Variants in TARS3 observed in about 807,000 individuals in gnomAD.
TARS3 encodes threonine--tRNA ligase 2, cytoplasmic.
TARS3 carries 94 observed loss-of-function variants against 103.5 expected under a neutral mutation model. The ratio of observed to expected loss-of-function variants is 0.91; its 90% CI spans 0.77 to 1.08. The LOEUF (loss-of-function observed/expected upper bound fraction) is 1.08, where lower values mean the gene tolerates loss of function less well. TARS3 is among the 50% of genes least tolerant of loss of function. TARS3 has a pLI of 0.00. For missense variants in TARS3, 952 were observed against 995.2 expected (o/e 0.96, Z 0.58); for synonymous variants, 416 against 355.4 (o/e 1.17, Z -1.92).
chr15:101,711,563 C>T (rs996251284), intron 5 of TARS3, among the ~76,000 whole-genome samples: 1 of 152,234 alleles, frequency 6.6e-6, no homozygotes, highest in Non-Finnish European at 1.5e-5. Context: ...AATACATTTT[C>T]TCTTCCTTAT....
chr15:101,688,272 T>G (rs923855386), intron 10 of TARS3, among the ~76,000 whole-genome samples: 2 of 152,112 alleles, frequency 1.3e-5, no homozygotes, highest in African/African-American at 4.8e-5. Context: ...TGCATTTTAG[T>G]TTTTCTCTAG....
intron 10 of TARS3, among the ~76,000 whole-genome samples, chr15:101,691,140 C>T (rs540201003): frequency 4.4e-4 from 67 of 151,498 alleles, no homozygotes; most frequent in African/African-American, 1.6e-3. Context: ...GGGGTTTCAC[C>T]GTATTAGCCA....
At chr15:101,675,767 T>C (rs780538677) in intron 12 of TARS3, 30 bp from the exon 13 acceptor site, 3 of 1,590,792 alleles carry the variant, frequency 1.9e-6, no homozygotes, top group Admixed American at 1.8e-5. Context: ...AACATTCAAA[T>C]AGAACATCAA....
At chr15:101,693,225 G>C (rs1359684091) in intron 10 of TARS3, among the ~76,000 whole-genome samples, 2 of 152,158 alleles carry the variant, frequency 1.3e-5, no homozygotes, top group East Asian at 3.8e-4. Context: ...AATTTATGAA[G>C]GAAAGAGGTT....
At chr15:101,657,968 A>C (rs1897247816) in intron 16 of TARS3, 111 bp from the exon 17 acceptor site, 1 of 652,642 alleles carries the variant, frequency 1.5e-6, no homozygotes, top group Non-Finnish European at 2.5e-6. Context: ...GGGCAGTTTC[A>C]GTAGCGCAGC....
intron 15 of TARS3, among the ~76,000 whole-genome samples, chr15:101,670,995 G>A (rs1897775653): frequency 6.6e-6 from 1 of 152,162 alleles, no homozygotes; most frequent in Admixed American, 6.5e-5. Context: ...TAGGAGGAGT[G>A]TGTGACTACA....
At chr15:101,691,676 G>A (rs1898732391) in intron 10 of TARS3, among the ~76,000 whole-genome samples, 1 of 152,130 alleles carries the variant, frequency 6.6e-6, no homozygotes. Flanking sequence ...TTTTTTGTGT[G>A]TGTGACAAGA....
At chr15:101,714,368 C>T (rs1487087406) in intron 4 of TARS3, among the ~76,000 whole-genome samples, 1 of 151,976 alleles carries the variant, frequency 6.6e-6, no homozygotes, top group Non-Finnish European at 1.5e-5. Context: ...CTATGGGAGG[C>T]TGAGGGAGGC....
At chr15:101,657,888 A>T (rs752906707) in intron 16 of TARS3, 31 bp from the exon 17 acceptor site, 9 of 1,348,644 alleles carry the variant, frequency 6.7e-6, no homozygotes, top group Non-Finnish European at 9.2e-6. Context: ...ATGTATTTTC[A>T]AAGTGTAATA....
chr15:101,674,585 T>C (rs1188904864), intron 13 of TARS3, among the ~76,000 whole-genome samples: 2 of 151,950 alleles, frequency 1.3e-5, no homozygotes, highest in Admixed American at 1.3e-4. Context: ...GGCAGGAGGA[T>C]CAGGAGGTCA....
At chr15:101,671,396 T>C (rs539019372) in intron 15 of TARS3, 90 bp downstream of exon 15, 14 of 928,716 alleles carry the variant, frequency 1.5e-5, no homozygotes, top group Admixed American at 1.3e-4. Flanking sequence ...TACTAGACAT[T>C]CACTAATGTT....
At chr15:101,702,901 T>C (rs1330554143) in intron 8 of TARS3, among the ~76,000 whole-genome samples, 1 of 152,176 alleles carries the variant, frequency 6.6e-6, no homozygotes, top group Non-Finnish European at 1.5e-5. Flanking sequence ...GCAAATTATG[T>C]AGAGTCTGCT....
intron 2 of TARS3, among the ~76,000 whole-genome samples, chr15:101,722,098 A>T (rs1567363060): frequency 3.3e-5 from 5 of 152,170 alleles, no homozygotes; most frequent in Non-Finnish European, 7.3e-5. Flanking sequence ...CTGTAAGACT[A>T]AGAGCATGTG....
chr15:101,689,490 AATACT>A (rs532322477), intron 10 of TARS3, among the ~76,000 whole-genome samples: 224 of 152,158 alleles, frequency 1.5e-3, no homozygotes, highest in African/African-American at 5.1e-3. Flanking sequence ...GGTAGATCCT[AATACT>A]ATATGGCTGG....
intron 5 of TARS3, among the ~76,000 whole-genome samples, chr15:101,710,825 G>C (rs1899826921): frequency 6.6e-6 from 1 of 152,018 alleles, no homozygotes; most frequent in Admixed American, 6.5e-5. Context: ...AGAAGGAGAG[G>C]GGGGTGGGAG....
intron 15 of TARS3, among the ~76,000 whole-genome samples, chr15:101,669,729 A>G (rs1236209669): frequency 6.6e-6 from 1 of 152,230 alleles, no homozygotes. Context: ...GTAGCCTAGA[A>G]GCAATAGTCT....
rs138756833 is a variant in TARS3, at chr15:101,676,520, A to G, written c.1651-783T>C. ...GTTTTTTGTTTTGTTTTGTTTTTTG[A>G]GACAGTCTTGCTCTGTCACCCAGGC... On this transcript the variant is annotated intron_variant, in intron 12 of 18. Coordinates refer to ENST00000335968, the MANE Select transcript of TARS3 (RefSeq NM_152334.3). Among the ~76,000 whole-genome samples, 558 of 152,126 alleles carry G rather than the reference A, an allele frequency of 3.7e-3. 1 individual carries two copies. Among genetic ancestry groups the G allele is most frequent in the African/African-American group, 0.013 (542 of 41,490 alleles).
intron 16 of TARS3, 25 bp downstream of exon 16, chr15:101,661,687 A>T (rs199730830): frequency 7.5e-7 from 1 of 1,331,122 alleles, no homozygotes; most frequent in Non-Finnish European, 1.1e-6. Context: ...ATAGACATAT[A>T]GTTTTTCTTT....
chr15:101,719,179 G>A (rs1415744197), intron 3 of TARS3, among the ~76,000 whole-genome samples: 2 of 152,188 alleles, frequency 1.3e-5, no homozygotes, highest in African/African-American at 4.8e-5. Context: ...AGAATCTGAT[G>A]ACTTCTCTAT....
Sources: allele counts gnomAD v4.1 joint callset (sites outside exome capture counted in the v4.1 genomes callset), GRCh38; gene constraint gnomAD v4.1.1; transcripts MANE v1.5; gene names NCBI Gene and HGNC (gene_info 2026-07-23, HGNC 2026-07-21).